The following VPS33A variants were observed in gnomAD, a reference collection of about 807,000 sequenced individuals.
The protein encoded by VPS33A is VPS33A core subunit of CORVET and HOPS complexes.
In VPS33A, 32 loss-of-function variants were observed where a neutral mutation model predicts 71.8. That is an observed-to-expected ratio of 0.45 (90% CI 0.34 to 0.60). VPS33A has a LOEUF of 0.60. Ranked by LOEUF, VPS33A falls within the 20% of genes least tolerant of loss-of-function variation. VPS33A has a pLI of 0.02. For missense variants in VPS33A, 625 were observed against 748.5 expected (o/e 0.84, Z 1.92); for synonymous variants, 311 against 292.7 (o/e 1.06, Z -0.64).
At chr12:122,239,827 G>A in intron 9 of VPS33A, 51 bp downstream of exon 9, 1 of 1,323,706 alleles carries the variant, frequency 7.6e-7, no homozygotes. Context: ...TATAATCTGA[G>A]GTTTAATAAG....
chr12:122,262,812 A>C (rs888737074), intron 3 of VPS33A, among the ~76,000 whole-genome samples: 2 of 151,714 alleles, frequency 1.3e-5, no homozygotes, highest in Admixed American at 1.3e-4. Context: ...CAACTTCCTA[A>C]GTTTCTCATC....
chr12:122,261,515 T>TC, intron 3 of VPS33A, 68 bp from the exon 4 acceptor site: 1 of 1,461,264 alleles, frequency 6.8e-7, no homozygotes, highest in Admixed American at 1.9e-5. Flanking sequence ...GCTTTTTTTA[T>TC]CCCCACTGCC....
Position 122,235,905 on chromosome 12 carries a change from T to C in VPS33A, c.1321A>G (p.Ile441Val), listed in dbSNP as rs769066469. 3.7e-6 allele frequency: 6 copies of C among 1,613,042 alleles called. No individual in the cohort carries two copies. Among genetic ancestry groups the C allele is most frequent in the Non-Finnish European group, 5.1e-6 (6 of 1,179,628 alleles). ...TTCTCCAGGTTGTGTAAGGTCAATA[T>C]GTGCTCATAGCCGTATGTCTGCAAG... ...EILQTYGYEH[I>V]LTLHNLEKAG... The change falls in exon 11 of 13, where the codon ATA (isoleucine) becomes GTA (valine). Residue 441 changes from isoleucine to valine, a missense_variant. Coordinates refer to ENST00000267199, the MANE Select transcript of VPS33A (RefSeq NM_022916.6).
At chr12:122,265,670 C>A in intron 1 of VPS33A, 1 of 449,944 alleles carries the variant, frequency 2.2e-6, no homozygotes, top group Non-Finnish European at 4.5e-6. Context: ...GACTGAGGCT[C>A]CCCAGTTCGA....
In VPS33A at chr12:122,250,140, A is replaced by G. The variant is rs543761084; in HGVS notation, c.601-95T>C. On this transcript the variant is annotated intron_variant, in intron 5 of 12. Transcript: ENST00000267199. ...CAGAAAGACAATCAAAAAAGTAAAA[A>G]AGGAGAAAAACTGGAAGAGTGCATT... 56 of 1,331,074 alleles carry G rather than the reference A, an allele frequency of 4.2e-5. No homozygotes were observed. In the African/African-American group the frequency reaches 7.6e-4, roughly 18 times the overall value. The allele number at this position is 1,331,074 out of a possible 1,614,324, so 82.5% of individuals were successfully genotyped here. A position where few individuals can be genotyped will look rare whatever the true frequency, so the allele number is the denominator to read the frequency against.
intron 4 of VPS33A, among the ~76,000 whole-genome samples, chr12:122,258,492 A>G (rs1267989918): frequency 1.3e-5 from 2 of 152,140 alleles, no homozygotes; most frequent in Non-Finnish European, 2.9e-5. Context: ...ATCTATTAAG[A>G]ATTCTTACAA....
intron 12 of VPS33A, 125 bp downstream of exon 12, chr12:122,232,675 C>G (rs114693425): frequency 3.9e-6 from 5 of 1,266,552 alleles, no homozygotes; most frequent in Non-Finnish European, 5.4e-6. Flanking sequence ...ACATTAGCAA[C>G]GAACAAAAGA....
At chr12:122,254,071 G>GC (rs1954881125) in intron 4 of VPS33A, among the ~76,000 whole-genome samples, 1 of 152,048 alleles carries the variant, frequency 6.6e-6, no homozygotes, top group Non-Finnish European at 1.5e-5. Flanking sequence ...CATACAAGAG[G>GC]CAGGTTTTAT....
At chr12:122,259,074 C>A (rs1954955854) in intron 4 of VPS33A, among the ~76,000 whole-genome samples, 1 of 150,556 alleles carries the variant, frequency 6.6e-6, no homozygotes, top group African/African-American at 2.5e-5. Context: ...GCTGGGAGTA[C>A]AAACGGTACA....
intron 4 of VPS33A, among the ~76,000 whole-genome samples, chr12:122,252,429 T>C (rs1433423987): frequency 6.6e-6 from 1 of 151,960 alleles, no homozygotes; most frequent in Non-Finnish European, 1.5e-5. Context: ...CCACCACGCC[T>C]GGCTAATTTT....
At chr12:122,266,209 A>G (rs1165833902) in intron 1 of VPS33A, 98 bp downstream of exon 1, 3 of 1,519,316 alleles carry the variant, frequency 2.0e-6, no homozygotes, top group East Asian at 4.7e-5. Context: ...GGAAGCCCCA[A>G]GGACCTCATA....
chr12:122,244,307 T>C (rs1175132084), intron 7 of VPS33A, among the ~76,000 whole-genome samples: 1 of 152,210 alleles, frequency 6.6e-6, no homozygotes, highest in African/African-American at 2.4e-5. Context: ...AGCAAATGTT[T>C]ATGATGGAAG....
rs759300577 is a variant in VPS33A, at chr12:122,250,998, T to C, written c.585A>G (p.Lys195=). 3 of 1,613,752 alleles carry C rather than the reference T, an allele frequency of 1.9e-6. No homozygotes were observed. In the African/African-American group the frequency reaches 4.0e-5, roughly 22 times the overall value. Residue 195 remains lysine, a synonymous_variant, in exon 5 of 13, where the codon AAA becomes AAG. Coordinates refer to ENST00000267199, the MANE Select transcript of VPS33A (RefSeq NM_022916.6). ...CGGTTCTCACCCGAGCGCATTCTCCTTTCCCAAAGATCTGGGGGATCGTTC... is the reference window on the plus strand; with the variant it reads ...CGGTTCTCACCCGAGCGCATTCTCCCTTCCCAAAGATCTGGGGGATCGTTC... ...LYGTIPQIFG[K]GECARQVANM...
intron 10 of VPS33A, among the ~76,000 whole-genome samples, chr12:122,236,277 T>A (rs180863249): frequency 6.6e-6 from 1 of 152,224 alleles, no homozygotes; most frequent in Non-Finnish European, 1.5e-5. Flanking sequence ...TACATCCTGA[T>A]AAGAAAGGTC....
Position 122,229,668 on chromosome 12 carries a change from A to G in VPS33A, c.*2578T>C, listed in dbSNP as rs1954534268. On this transcript the variant is annotated 3_prime_UTR_variant, in exon 13 of 13. Transcript: ENST00000267199. ...TAAACAATCCACTCTCCCCAACAAT[A>G]AATGTACCGTTCACATATCCTTTCT... The G allele has an allele frequency of 6.6e-6, 1 of 152,220 alleles. No homozygotes were observed. Among genetic ancestry groups the G allele is most frequent in the Admixed American group, 6.5e-5 (1 of 15,278 alleles). 9.4% of individuals were successfully genotyped at this position (152,220 alleles called of 1,614,324 possible).
At position 122,245,571 on chromosome 12, in the gene VPS33A, G is replaced by A. The variant is rs1039085610; in HGVS notation, c.776-809C>T. ...TGATTCTCCTGCCTCAGCCTCCTGA[G>A]TAGCTCAGATTATAGGCACCCACCA... On this transcript the variant is annotated intron_variant, in intron 6 of 12. Transcript: ENST00000267199. 6.6e-5 allele frequency among the ~76,000 whole-genome samples: 10 copies of A among 151,944 alleles called. No individual in the cohort carries two copies. In the East Asian group the frequency reaches 1.9e-3, roughly 30 times the overall value.
chr12:122,240,080 C>T, intron 8 of VPS33A, 135 bp from the exon 9 acceptor site: 1 of 668,156 alleles, frequency 1.5e-6, no homozygotes, highest in South Asian at 1.7e-5. Flanking sequence ...GTAATCTCAG[C>T]ACTGTAGGGG....
chr12:122,265,609 C>T (rs1269210726), intron 1 of VPS33A: 1 of 364,902 alleles, frequency 2.7e-6, no homozygotes, highest in African/African-American at 2.1e-5. Context: ...GCTTTCTTCT[C>T]TCAAAGGCTG....
At chr12:122,256,263 G>A (rs11057293) in intron 4 of VPS33A, among the ~76,000 whole-genome samples, 6 of 151,726 alleles carry the variant, frequency 4.0e-5, no homozygotes, top group Non-Finnish European at 5.9e-5. Flanking sequence ...CTCTACCTTC[G>A]AAGTATTTTA....
Sources: allele counts gnomAD v4.1 joint callset (sites outside exome capture counted in the v4.1 genomes callset), GRCh38; gene constraint gnomAD v4.1.1; transcripts MANE v1.5; gene names NCBI Gene and HGNC (gene_info 2026-07-23, HGNC 2026-07-21).